The following SGCZ variants were observed in gnomAD, a reference collection of about 807,000 sequenced individuals.
SGCZ encodes the protein sarcoglycan zeta.
SGCZ carries 40 observed loss-of-function variants against 41.3 expected under a neutral mutation model. The observed-to-expected ratio is 0.97, with a 90% CI of 0.75 to 1.26. The LOEUF (loss-of-function observed/expected upper bound fraction) is 1.26. Among genes scored for constraint, SGCZ ranks in the 50% most tolerant of loss-of-function variants. The pLI is 0.00. For missense variants in SGCZ, 552 were observed against 369.8 expected (o/e 1.49, Z -4.04); for synonymous variants, 206 against 137.5 (o/e 1.50, Z -3.49).
At chr8:14,584,037 G>A (rs1373745067) in intron 1 of SGCZ, among the ~76,000 whole-genome samples, 2 of 152,020 alleles carry the variant, frequency 1.3e-5, no homozygotes, top group South Asian at 2.1e-4. Flanking sequence ...ATGGATGCAA[G>A]AATATAAGTC....
At position 14,107,053 on chromosome 8, in the gene SGCZ, A is replaced by G. The variant is rs11993844; in HGVS notation, c.620+1110T>C. Among the ~76,000 whole-genome samples, 571 of 152,064 alleles carry G rather than the reference A, an allele frequency of 3.8e-3. 3 individuals are homozygous for G. Among genetic ancestry groups the G allele is most frequent in the African/African-American group, 0.013 (519 of 41,494 alleles). ...AACATGGTGAAACCCCGTCTCTACT[A>G]AAAATACAAAAAATTAACCGGGCAC... On this transcript the variant is annotated intron_variant, in intron 6 of 7. Coordinates refer to ENST00000382080, the MANE Select transcript of SGCZ (RefSeq NM_139167.4).
chr8:15,082,213 A>G (rs1202592953), intron 1 of SGCZ, among the ~76,000 whole-genome samples: 1 of 152,038 alleles, frequency 6.6e-6, no homozygotes, highest in Non-Finnish European at 1.5e-5. Flanking sequence ...TGGGCAACAT[A>G]GCGAGACTCT....
At chr8:14,839,225 G>A (rs1303616068) in intron 1 of SGCZ, among the ~76,000 whole-genome samples, 2 of 151,876 alleles carry the variant, frequency 1.3e-5, no homozygotes, top group African/African-American at 4.8e-5. Context: ...TTTGATATGG[G>A]GTATAGAAAG....
At chr8:14,169,189 G>C (rs887854799) in intron 4 of SGCZ, among the ~76,000 whole-genome samples, 1 of 151,938 alleles carries the variant, frequency 6.6e-6, no homozygotes, top group Non-Finnish European at 1.5e-5. Context: ...TTAATATTTG[G>C]GGGAACTTTT....
intron 1 of SGCZ, among the ~76,000 whole-genome samples, chr8:14,902,437 T>C (rs1798998530): frequency 6.6e-6 from 1 of 152,068 alleles, no homozygotes; most frequent in Admixed American, 6.6e-5. Context: ...GCCCAAGAAT[T>C]CCCTGGGCCT....
chr8:14,505,265 T>G (rs754840648), intron 2 of SGCZ, among the ~76,000 whole-genome samples: 1 of 152,162 alleles, frequency 6.6e-6, no homozygotes, highest in Non-Finnish European at 1.5e-5. Flanking sequence ...AATATGTGTA[T>G]ATGTGTTTGA....
At chr8:15,031,652 C>T (rs1803667164) in intron 1 of SGCZ, among the ~76,000 whole-genome samples, 1 of 152,118 alleles carries the variant, frequency 6.6e-6, no homozygotes, top group Admixed American at 6.5e-5. Context: ...AGGGGAAGCG[C>T]TCTTGCCAGC....
chr8:14,143,888 T>C (rs1459580799), intron 5 of SGCZ, among the ~76,000 whole-genome samples: 1 of 152,156 alleles, frequency 6.6e-6, no homozygotes, highest in African/African-American at 2.4e-5. Context: ...AGTGTCCTGT[T>C]AGAGCAGAAG....
At chr8:14,494,002 G>A (rs539998584) in intron 2 of SGCZ, among the ~76,000 whole-genome samples, 2 of 152,248 alleles carry the variant, frequency 1.3e-5, no homozygotes, top group African/African-American at 4.8e-5. Context: ...TCTGTCACAA[G>A]TGGAAGGACA....
chr8:15,063,107 C>CT (rs141485454), intron 1 of SGCZ, among the ~76,000 whole-genome samples: 5,949 of 152,128 alleles, frequency 0.039, 149 homozygotes, highest in Non-Finnish European at 0.057. Flanking sequence ...CAAAAGTAAA[C>CT]TTTTTTCTGG....
chr8:14,910,737 T>A (rs564537296), intron 1 of SGCZ, among the ~76,000 whole-genome samples: 6 of 151,974 alleles, frequency 3.9e-5, no homozygotes, highest in African/African-American at 1.4e-4. Context: ...ATTTTTATTA[T>A]ACCTATTATG....
At chr8:15,111,542 A>G (rs1807053955) in intron 1 of SGCZ, among the ~76,000 whole-genome samples, 1 of 152,102 alleles carries the variant, frequency 6.6e-6, no homozygotes, top group Non-Finnish European at 1.5e-5. Flanking sequence ...AACTTTGTAA[A>G]TGGGACCTTG....
At chr8:15,123,801 A>C (rs915993775) in intron 1 of SGCZ, among the ~76,000 whole-genome samples, 1 of 152,242 alleles carries the variant, frequency 6.6e-6, no homozygotes, top group Non-Finnish European at 1.5e-5. Flanking sequence ...CCGTAAGTAC[A>C]CTGAAACAAC....
chr8:15,160,073 T>G (rs1350090653), intron 1 of SGCZ, among the ~76,000 whole-genome samples: 3 of 152,100 alleles, frequency 2.0e-5, no homozygotes, highest in African/African-American at 7.2e-5. Context: ...TTTTTAAGTG[T>G]ACAGTTCAGT....
chr8:14,211,104 C>T (rs982488350), intron 4 of SGCZ, among the ~76,000 whole-genome samples: 1 of 152,148 alleles, frequency 6.6e-6, no homozygotes, highest in African/African-American at 2.4e-5. Flanking sequence ...TTTTGCCTGC[C>T]TCCCTAAAAA....
At chr8:15,022,075 T>C (rs566828470) in intron 1 of SGCZ, among the ~76,000 whole-genome samples, 10 of 152,340 alleles carry the variant, frequency 6.6e-5, no homozygotes, top group African/African-American at 2.2e-4. Context: ...GCAATCATAA[T>C]GAGACAGGCA....
intron 2 of SGCZ, among the ~76,000 whole-genome samples, chr8:14,465,550 T>C (rs1196335084): frequency 6.6e-6 from 1 of 151,834 alleles, no homozygotes; most frequent in Non-Finnish European, 1.5e-5. Context: ...TTCTTTTCTA[T>C]ATGCCTTGTA....
intron 1 of SGCZ, among the ~76,000 whole-genome samples, chr8:14,917,314 GAT>G (rs1491402685): frequency 3.6e-5 from 1 of 27,538 alleles, no homozygotes; most frequent in Non-Finnish European, 5.5e-5. Context: ...TTAAGCAAGA[GAT>G]TTTTTTTGCA....
chr8:14,506,480 A>T (rs991818272), intron 2 of SGCZ, among the ~76,000 whole-genome samples: 7 of 147,664 alleles, frequency 4.7e-5, no homozygotes, highest in African/African-American at 1.7e-4. Context: ...AACAAACAAA[A>T]CAAGTTATTA....
Sources: allele counts gnomAD v4.1 joint callset (sites outside exome capture counted in the v4.1 genomes callset), GRCh38; gene constraint gnomAD v4.1.1; transcripts MANE v1.5; gene names NCBI Gene and HGNC (gene_info 2026-07-23, HGNC 2026-07-21).